PBX3: variants seen among roughly 807,000 people sequenced by gnomAD.
PBX3 encodes pre-B-cell leukemia transcription factor 3.
Under a neutral mutation model 48.5 loss-of-function variants are expected in PBX3, and 14 were observed. The ratio of observed to expected loss-of-function variants is 0.29; its 90% CI spans 0.19 to 0.45. The LOEUF is 0.45. Ranked by LOEUF, PBX3 falls within the 20% of genes least tolerant of loss-of-function variation. PBX3 has a pLI of 1.00. For synonymous variants in PBX3, 210 were observed against 200.3 expected (o/e 1.05, Z -0.41); for missense variants, 386 against 546.7 (o/e 0.71, Z 2.93).
chr9:125,798,357 A>T lies in PBX3; in HGVS notation c.274+49734A>T, dbSNP rs184621999. On this transcript the variant is annotated intron_variant, in intron 2 of 8. Transcript: ENST00000373489. ...CTCAGTCATTATTAATGAAATTTAT[A>T]TTCTAAGCCACAATTGTTACTACTT... Among the ~76,000 whole-genome samples, 438 of 152,240 alleles carry T rather than the reference A, an allele frequency of 2.9e-3. 2 individuals carry two copies. Among genetic ancestry groups the T allele is most frequent in the South Asian group, 7.5e-3 (36 of 4,822 alleles).
At chr9:125,895,044 CA>C (rs1840738065) in intron 2 of PBX3, among the ~76,000 whole-genome samples, 1 of 151,996 alleles carries the variant, frequency 6.6e-6, no homozygotes, top group Admixed American at 6.6e-5. Context: ...TCAGTCTCCT[CA>C]AAAAAGTCAC....
intron 2 of PBX3, among the ~76,000 whole-genome samples, chr9:125,811,591 T>C (rs1331659010): frequency 6.6e-6 from 1 of 152,200 alleles, no homozygotes; most frequent in African/African-American, 2.4e-5. Flanking sequence ...TCCCCAGCCA[T>C]GTGGAACTGT....
intron 2 of PBX3, among the ~76,000 whole-genome samples, chr9:125,898,464 A>G (rs1840828308): frequency 6.6e-6 from 1 of 151,510 alleles, no homozygotes; most frequent in South Asian, 2.1e-4. Flanking sequence ...AAAAAAATAA[A>G]AAAAAGGGCC....
At chr9:125,814,645 T>G (rs1838405358) in intron 2 of PBX3, among the ~76,000 whole-genome samples, 1 of 152,218 alleles carries the variant, frequency 6.6e-6, no homozygotes, top group African/African-American at 2.4e-5. Flanking sequence ...ATAACATTCA[T>G]GATTATTGAC....
At chr9:125,960,213 A>G (rs1842396778) in intron 5 of PBX3, among the ~76,000 whole-genome samples, 1 of 152,236 alleles carries the variant, frequency 6.6e-6, no homozygotes, top group African/African-American at 2.4e-5. Flanking sequence ...TTCATCCATT[A>G]TTAATTGATG....
chr9:125,937,364 A>G (rs1224761936), intron 5 of PBX3, among the ~76,000 whole-genome samples: 1 of 152,208 alleles, frequency 6.6e-6, no homozygotes, highest in East Asian at 1.9e-4. Context: ...TTTTTTTAAA[A>G]AAAACAGTTA....
At chr9:125,768,432 C>T (rs1049521041) in intron 2 of PBX3, among the ~76,000 whole-genome samples, 23 of 151,814 alleles carry the variant, frequency 1.5e-4, no homozygotes, top group Admixed American at 6.6e-5. Context: ...TATGAACAAT[C>T]GAAACAAATT....
At chr9:125,773,456 G>A (rs1232314748) in intron 2 of PBX3, among the ~76,000 whole-genome samples, 1 of 152,088 alleles carries the variant, frequency 6.6e-6, no homozygotes, top group Non-Finnish European at 1.5e-5. Context: ...CCTTGTTACT[G>A]TGCTCATGAC....
At chr9:125,827,093 A>G (rs937503456) in intron 2 of PBX3, among the ~76,000 whole-genome samples, 2 of 152,118 alleles carry the variant, frequency 1.3e-5, no homozygotes, top group African/African-American at 4.8e-5. Context: ...TGTGTGATCA[A>G]CTTTTTTGGC....
intron 2 of PBX3, 120 bp downstream of exon 2, chr9:125,748,743 C>G: frequency 1.5e-6 from 1 of 670,180 alleles, no homozygotes; most frequent in South Asian, 1.7e-5. Flanking sequence ...ATCATTCTCT[C>G]CTTCCCACGT....
Position 125,967,204 on chromosome 9 carries a change from A to T in PBX3, c.*1281A>T, listed in dbSNP as rs554638645. On this transcript the variant is annotated 3_prime_UTR_variant, in exon 9 of 9. Coordinates refer to ENST00000373489, the MANE Select transcript of PBX3 (RefSeq NM_006195.6). ...TCTCCTTTCTCTCTTTTTGTATTGT[A>T]TGCGATTCTGAAACTGATTGAGTCA... 2 of 152,394 alleles carry T rather than the reference A, an allele frequency of 1.3e-5. No individual in the cohort carries two copies. The highest frequency in any genetic ancestry group is 1.3e-4 in the Admixed American group (2 of 15,272). The allele number at this position is 152,394 out of a possible 1,614,324, so 9.4% of individuals were successfully genotyped here.
chr9:125,836,332 C>A (rs1839134036), intron 2 of PBX3, among the ~76,000 whole-genome samples: 1 of 152,114 alleles, frequency 6.6e-6, no homozygotes, highest in Non-Finnish European at 1.5e-5. Flanking sequence ...GTAGTCCCAG[C>A]TACTTGGGAG....
chr9:125,899,381 A>T (rs1840877915), intron 2 of PBX3, among the ~76,000 whole-genome samples: 1 of 133,348 alleles, frequency 7.5e-6, no homozygotes, highest in Non-Finnish European at 1.7e-5. Flanking sequence ...ATATGTATAT[A>T]TTTTTATATA....
intron 2 of PBX3, among the ~76,000 whole-genome samples, chr9:125,814,903 A>G (rs571949464): frequency 1.2e-4 from 18 of 152,330 alleles, no homozygotes; most frequent in Non-Finnish European, 1.0e-4. Flanking sequence ...TAGGAATTTG[A>G]GGTTGAAAAC....
rs144194041 is a variant in PBX3, at chr9:125,773,066, A to G, written c.274+24443A>G. Among the ~76,000 whole-genome samples, 8 of 152,282 alleles carry G rather than the reference A, an allele frequency of 5.3e-5. No homozygotes were observed. In the East Asian group the frequency reaches 7.7e-4, roughly 15 times the overall value. On this transcript the variant is annotated intron_variant, in intron 2 of 8. Coordinates refer to ENST00000373489, the MANE Select transcript of PBX3 (RefSeq NM_006195.6). ...GCGAGGGTAGTATGGTCTTTGTTCT[A>G]TACTTTGGCTAGCTACTGGTGGGTT...
intron 2 of PBX3, among the ~76,000 whole-genome samples, chr9:125,831,023 C>G (rs988413697): frequency 6.6e-6 from 1 of 152,060 alleles, no homozygotes; most frequent in Non-Finnish European, 1.5e-5. Flanking sequence ...TTCCTCCTGC[C>G]CCCCACCTGT....
At chr9:125,796,182 C>A (rs1179124890) in intron 2 of PBX3, among the ~76,000 whole-genome samples, 1 of 152,132 alleles carries the variant, frequency 6.6e-6, no homozygotes, top group Non-Finnish European at 1.5e-5. Context: ...GTTCACTGCC[C>A]AGGGTTAAAG....
chr9:125,839,146 G>A (rs1839218309), intron 2 of PBX3, among the ~76,000 whole-genome samples: 1 of 152,150 alleles, frequency 6.6e-6, no homozygotes, highest in Admixed American at 6.5e-5. Flanking sequence ...TTCTAAAATG[G>A]AGATAATTAT....
intron 2 of PBX3, among the ~76,000 whole-genome samples, chr9:125,817,693 A>G (rs1838506815): frequency 6.6e-6 from 1 of 152,244 alleles, no homozygotes; most frequent in Non-Finnish European, 1.5e-5. Flanking sequence ...GGGAATTTTC[A>G]TTCAGCTTTG....
Sources: gnomAD v4.1 joint callset for allele counts (sites outside exome capture counted in the v4.1 genomes callset) on GRCh38, gnomAD v4.1.1 for gene constraint, MANE v1.5 for transcripts, NCBI Gene and HGNC (gene_info 2026-07-23, HGNC 2026-07-21) for gene names.